KCNIP4: variants seen among roughly 807,000 people sequenced by gnomAD.
KCNIP4 encodes Kv channel-interacting protein 4.
In KCNIP4, 12 loss-of-function variants were observed where a neutral mutation model predicts 34.0. That is an observed-to-expected ratio of 0.35 (90% CI 0.23 to 0.57). The LOEUF (loss-of-function observed/expected upper bound fraction) is 0.57, where lower values mean the gene tolerates loss of function less well. Ranked by LOEUF, KCNIP4 falls within the 20% of genes least tolerant of loss-of-function variation. KCNIP4 has a pLI of 0.83. For missense variants in KCNIP4, 238 were observed against 311.7 expected (o/e 0.76, Z 1.78); for synonymous variants, 124 against 102.2 (o/e 1.21, Z -1.29).
intron 1 of KCNIP4, among the ~76,000 whole-genome samples, chr4:21,237,661 C>T (rs923230975): frequency 2.6e-5 from 4 of 152,130 alleles, no homozygotes; most frequent in South Asian, 2.1e-4. Flanking sequence ...ACACATACAC[C>T]CTCCCAAGAC....
At chr4:21,511,185 T>C (rs1734284372) in intron 1 of KCNIP4, among the ~76,000 whole-genome samples, 1 of 152,154 alleles carries the variant, frequency 6.6e-6, no homozygotes, top group African/African-American at 2.4e-5. Context: ...TCAGGTTTGT[T>C]AGCTTTTGAA....
intron 1 of KCNIP4, among the ~76,000 whole-genome samples, chr4:21,468,883 CAA>C (rs1730219057): frequency 6.6e-6 from 1 of 152,150 alleles, no homozygotes. Context: ...TATTTGTGCA[CAA>C]GTTTGTCTCA....
chr4:21,343,842 T>C (rs1173090880), intron 1 of KCNIP4, among the ~76,000 whole-genome samples: 1 of 152,146 alleles, frequency 6.6e-6, no homozygotes, highest in Non-Finnish European at 1.5e-5. Context: ...GTGCCAGTTA[T>C]AGTTCCAAGG....
intron 1 of KCNIP4, among the ~76,000 whole-genome samples, chr4:21,944,556 CAAAAAA>C (rs5856680): frequency 3.8e-5 from 4 of 104,434 alleles, no homozygotes; most frequent in Admixed American, 1.1e-4. Flanking sequence ...GACTCCGTCT[CAAAAAA>C]AAAAAAAAAA....
At chr4:21,646,667 T>C (rs960120937) in intron 1 of KCNIP4, among the ~76,000 whole-genome samples, 1 of 152,156 alleles carries the variant, frequency 6.6e-6, no homozygotes, top group Non-Finnish European at 1.5e-5. Flanking sequence ...GACATGGCAA[T>C]ACTATAGGTG....
chr4:20,901,608 CAT>C (rs1238364869), intron 1 of KCNIP4, among the ~76,000 whole-genome samples: 1 of 152,184 alleles, frequency 6.6e-6, no homozygotes, highest in Admixed American at 6.5e-5. Flanking sequence ...CTTCTCAAAA[CAT>C]AATCAGATTC....
At chr4:21,467,004 T>C (rs991861261) in intron 1 of KCNIP4, among the ~76,000 whole-genome samples, 6 of 151,522 alleles carry the variant, frequency 4.0e-5, no homozygotes, top group Admixed American at 2.6e-4. Flanking sequence ...TTTTCTGAAA[T>C]ATGTCATGGC....
rs1418267331 is a variant in KCNIP4 at position 20,728,668 on chromosome 4, T to G, written c.*1414A>C. The stretch of plus-strand genomic sequence containing the variant: ...TTTTTGAAATACAAAATGTGCACAT[T>G]GAGTTTACACAAACACGTGATGGCA... On this transcript the variant is annotated 3_prime_UTR_variant, in exon 9 of 9. Coordinates refer to ENST00000382152, the MANE Select transcript of KCNIP4 (RefSeq NM_025221.6). 1 of 152,622 alleles carries G rather than the reference T, an allele frequency of 6.6e-6. No homozygotes were observed. Among genetic ancestry groups the G allele is most frequent in the African/African-American group, 2.4e-5 (1 of 41,458 alleles). The allele number at this position is 152,622 out of a possible 1,614,324, so 9.5% of individuals were successfully genotyped here. A position where few individuals can be genotyped will look rare whatever the true frequency, so the allele number is the denominator to read the frequency against.
intron 1 of KCNIP4, among the ~76,000 whole-genome samples, chr4:21,173,115 G>T (rs757268468): frequency 2.1e-4 from 32 of 152,110 alleles, no homozygotes; most frequent in Non-Finnish European, 4.0e-4. Flanking sequence ...TTCCAAGAGC[G>T]CATCTGATTG....
At chr4:21,316,662 A>G (rs1269904479) in intron 1 of KCNIP4, among the ~76,000 whole-genome samples, 1 of 152,220 alleles carries the variant, frequency 6.6e-6, no homozygotes, top group Non-Finnish European at 1.5e-5. Flanking sequence ...TCAGTCTGAT[A>G]GCAAGTACAG....
chr4:21,932,195 T>C (rs1729609876), intron 1 of KCNIP4, among the ~76,000 whole-genome samples: 1 of 152,082 alleles, frequency 6.6e-6, no homozygotes, highest in African/African-American at 2.4e-5. Context: ...AATCTTTGAG[T>C]ATTTTGCAGA....
chr4:21,109,174 T>A (rs1748895348), intron 1 of KCNIP4, among the ~76,000 whole-genome samples: 2 of 152,162 alleles, frequency 1.3e-5, no homozygotes, highest in Admixed American at 1.3e-4. Flanking sequence ...TACTGCTGTC[T>A]TTTTGTTTGT....
intron 1 of KCNIP4, among the ~76,000 whole-genome samples, chr4:21,705,897 C>G (rs1713227911): frequency 6.6e-6 from 1 of 152,108 alleles, no homozygotes. Context: ...CCTAGAGCAC[C>G]AGCATGATCA....
intron 1 of KCNIP4, among the ~76,000 whole-genome samples, chr4:21,789,630 G>A (rs113066942): frequency 2.0e-5 from 3 of 152,204 alleles, no homozygotes; most frequent in South Asian, 2.1e-4. Flanking sequence ...AGAACAGGAT[G>A]TGTCTTTCCT....
intron 1 of KCNIP4, among the ~76,000 whole-genome samples, chr4:20,975,686 A>T (rs1735417827): frequency 6.6e-6 from 1 of 152,154 alleles, no homozygotes; most frequent in Non-Finnish European, 1.5e-5. Context: ...ATTTCCAAAA[A>T]ACAATAAGTC....
At chr4:20,887,593 T>G (rs997212346) in intron 1 of KCNIP4, among the ~76,000 whole-genome samples, 2 of 151,992 alleles carry the variant, frequency 1.3e-5, no homozygotes, top group Non-Finnish European at 2.9e-5. Context: ...TGGAAGAGAA[T>G]CCTTAAAGTT....
chr4:21,191,190 C>CTT (rs1755621602), intron 1 of KCNIP4, among the ~76,000 whole-genome samples: 1 of 152,150 alleles, frequency 6.6e-6, no homozygotes. Flanking sequence ...ATGCACAAAA[C>CTT]AACACATTAC....
In KCNIP4 at chr4:21,711,315, T is replaced by C. The variant is rs1036485749; in HGVS notation, c.61+237256A>G. On this transcript the variant is annotated intron_variant, in intron 1 of 8. Coordinates refer to ENST00000382152, the MANE Select transcript of KCNIP4 (RefSeq NM_025221.6). ...GGTGAAACTTCATCTCTACAAAAAATACAAAAATTAGTTGGGTGTGGTGAC... is the reference window on the plus strand; with the variant it reads ...GGTGAAACTTCATCTCTACAAAAAACACAAAAATTAGTTGGGTGTGGTGAC... 4.6e-5 allele frequency among the ~76,000 whole-genome samples: 7 copies of C among 152,098 alleles called. No homozygotes were observed. In the East Asian group the frequency reaches 1.2e-3, roughly 25 times the overall value.
intron 1 of KCNIP4, among the ~76,000 whole-genome samples, chr4:21,692,339 G>C (rs1348077451): frequency 1.3e-5 from 2 of 152,182 alleles, no homozygotes; most frequent in African/African-American, 4.8e-5. Flanking sequence ...CAGAGATCAT[G>C]TAATCAGATT....
Sources: allele counts gnomAD v4.1 joint callset (sites outside exome capture counted in the v4.1 genomes callset), GRCh38; gene constraint gnomAD v4.1.1; transcripts MANE v1.5; gene names NCBI Gene and HGNC (gene_info 2026-07-23, HGNC 2026-07-21).